CHRNA5: variants seen among roughly 807,000 people sequenced by gnomAD.
CHRNA5 encodes the protein neuronal acetylcholine receptor subunit alpha-5.
In CHRNA5, 28 loss-of-function variants were observed where a neutral mutation model predicts 41.2. The observed-to-expected ratio is 0.68, with a 90% CI of 0.50 to 0.93. The LOEUF (loss-of-function observed/expected upper bound fraction) is 0.93. Ranked by LOEUF, CHRNA5 falls within the 40% of genes least tolerant of loss-of-function variation. The probability of loss-of-function intolerance (pLI) is 0.00; values close to 1 mark genes in which losing one functional copy is unlikely to be tolerated. For missense variants in CHRNA5, 481 were observed against 581.9 expected (o/e 0.83, Z 1.78); for synonymous variants, 188 against 205.8 (o/e 0.91, Z 0.74).
intron 1 of CHRNA5, among the ~76,000 whole-genome samples, chr15:78,573,979 T>TA (rs1287344437): frequency 6.2e-5 from 9 of 145,206 alleles, no homozygotes; most frequent in African/African-American, 2.3e-4. Context: ...TTTTTTTTTT[T>TA]TTTTTTTGTA....
At chr15:78,589,159 T>G (rs1442355841) in intron 4 of CHRNA5, 1 of 152,190 alleles carries the variant, frequency 6.6e-6, no homozygotes, top group Admixed American at 6.5e-5. Flanking sequence ...TTTCAGTAAT[T>G]GAAAACATTT....
rs551802186 is a variant in CHRNA5 at position 78,566,395 on chromosome 15, G to T, written c.106+570G>T. ...CGTTTGCATCCAGAGTTCCTCACTA[G>T]CTCCTTAGAGCACAGCTTTTTTCAG... On this transcript the variant is annotated intron_variant, in intron 1 of 5. Coordinates refer to ENST00000299565, the Ensembl canonical transcript of CHRNA5. Among the ~76,000 whole-genome samples the T allele has an allele frequency of 3.3e-5, 5 of 152,298 alleles. No homozygotes were observed. In the South Asian group the frequency reaches 1.0e-3, roughly 32 times the overall value.
At chr15:78,572,366 G>A (rs1295227191) in intron 1 of CHRNA5, among the ~76,000 whole-genome samples, 1 of 152,204 alleles carries the variant, frequency 6.6e-6, no homozygotes, top group East Asian at 1.9e-4. Flanking sequence ...CCAATCAGTG[G>A]TGAAAACTTA....
intron 1 of CHRNA5, among the ~76,000 whole-genome samples, chr15:78,575,098 C>G (rs563240060): frequency 6.6e-6 from 1 of 152,170 alleles, no homozygotes; most frequent in South Asian, 2.1e-4. Flanking sequence ...TTCCTTTTCA[C>G]CATACTAAAA....
At chr15:78,581,756 TTG>T (rs2052914670) in intron 2 of CHRNA5, among the ~76,000 whole-genome samples, 1 of 152,174 alleles carries the variant, frequency 6.6e-6, no homozygotes, top group African/African-American at 2.4e-5. Flanking sequence ...TAATAATTAG[TTG>T]TGTTTCTTGC....
At chr15:78,582,965 T>C (rs945694908) in intron 2 of CHRNA5, among the ~76,000 whole-genome samples, 2 of 152,236 alleles carry the variant, frequency 1.3e-5, no homozygotes, top group Admixed American at 1.3e-4. Context: ...AAGGCCAAAT[T>C]CATCTGTCAG....
intron 1 of CHRNA5, among the ~76,000 whole-genome samples, chr15:78,575,454 TTA>T (rs1227146251): frequency 6.6e-6 from 1 of 152,192 alleles, no homozygotes; most frequent in Non-Finnish European, 1.5e-5. Context: ...GATATGTGGT[TTA>T]TATGCTATTA....
chr15:78,586,552 A>G (rs924918084), intron 2 of CHRNA5, 93 bp from the exon 3 acceptor site: 6 of 744,614 alleles, frequency 8.1e-6, no homozygotes, highest in Non-Finnish European at 1.4e-5. Context: ...TATGTGAAGA[A>G]GAGTGTTTAT....
chr15:78,580,874 A>G, exon 2 of CHRNA5: 1 of 1,613,758 alleles, frequency 6.2e-7, no homozygotes, highest in Non-Finnish European at 8.5e-7. Context: ...TTATTTCAAG[A>G]CTACGAAAGA....
chr15:78,574,839 G>A (rs2052842713), intron 1 of CHRNA5, among the ~76,000 whole-genome samples: 4 of 152,020 alleles, frequency 2.6e-5, no homozygotes, highest in Admixed American at 2.6e-4. Flanking sequence ...TGGGCATGGT[G>A]GCGAGTGCCT....
Position 78,583,277 on chromosome 15 carries a change from C to T in CHRNA5, c.258+2315C>T, listed in dbSNP as rs537453371. 3.3e-5 allele frequency among the ~76,000 whole-genome samples: 5 copies of T among 152,132 alleles called. No individual in the cohort carries two copies. In the South Asian group the frequency reaches 1.0e-3, roughly 32 times the overall value. ...ATGGTTTTGAGGAGTGAAAGAGAGA[C>T]TAGAAAATGAAAGGCAAGTTAGAAG... On this transcript the variant is annotated intron_variant, in intron 2 of 5. Transcript: ENST00000299565.
chr15:78,568,169 G>C (rs2052766890), intron 1 of CHRNA5, among the ~76,000 whole-genome samples: 1 of 152,184 alleles, frequency 6.6e-6, no homozygotes, highest in Non-Finnish European at 1.5e-5. Flanking sequence ...CTGTGAGCCA[G>C]TTCCCAGGTA....
chr15:78,590,401 TTCA>T (rs748922437), exon 5 of CHRNA5: 3 of 1,614,224 alleles, frequency 1.9e-6, no homozygotes, highest in East Asian at 2.2e-5. Flanking sequence ...GCTATCAACA[TTCA>T]TCATCGTTCT....
chr15:78,588,342 A>T lies in CHRNA5; in HGVS notation c.332A>T (p.Asn111Ile). ...TGGATAGATGTAAAATTAAGATGGA[A>T]CCCTGATGACTATGGTGGAATAAAA... Residue 111 changes from asparagine to isoleucine, a missense_variant, in exon 4 of 6, where the codon AAC (asparagine) becomes ATC (isoleucine). Asn to Ile is a moderately radical substitution (Grantham distance 149, BLOSUM62 -3). Transcript: ENST00000299565. The surrounding 1 kb of genome is among the most constrained non-coding windows in gnomAD (Gnocchi z 4.1). 6.3e-7 allele frequency: 1 copy of T among 1,588,460 alleles called. No homozygotes were observed.
intron 2 of CHRNA5, among the ~76,000 whole-genome samples, chr15:78,582,410 G>A (rs2052920824): frequency 1.3e-5 from 2 of 151,934 alleles, no homozygotes; most frequent in Non-Finnish European, 1.5e-5. Context: ...TTTGAACCCT[G>A]GGAAGCAGAG....
intron 3 of CHRNA5, among the ~76,000 whole-genome samples, chr15:78,587,115 G>A (rs2052967734): frequency 6.6e-6 from 1 of 152,184 alleles, no homozygotes; most frequent in African/African-American, 2.4e-5. Context: ...TTACATGGCA[G>A]CAGGCAAGAG....
At chr15:78,594,923 A>T (rs2053075527) in exon 6 of CHRNA5, 1 of 152,192 alleles carries the variant, frequency 6.6e-6, no homozygotes, top group Non-Finnish European at 1.5e-5. Flanking sequence ...AAAACAGTTA[A>T]ATTCCATCTC....
exon 2 of CHRNA5, chr15:78,580,847 A>G: frequency 6.2e-7 from 1 of 1,613,422 alleles, no homozygotes; most frequent in South Asian, 1.1e-5. Context: ...AAACATGAAG[A>G]TAGTTTGCTT....
intron 1 of CHRNA5, among the ~76,000 whole-genome samples, chr15:78,569,635 A>G (rs1311099760): frequency 6.6e-6 from 1 of 151,252 alleles, no homozygotes; most frequent in Non-Finnish European, 1.5e-5. Flanking sequence ...GGGTTTCACC[A>G]TGTTAGCCAG....
Sources: gnomAD v4.1 joint callset for allele counts (sites outside exome capture counted in the v4.1 genomes callset) on GRCh38, gnomAD v4.1.1 for gene constraint, Gnocchi (gnomAD v3.1) non-coding constraint, MANE v1.5 for transcripts, NCBI Gene and HGNC (gene_info 2026-07-23, HGNC 2026-07-21) for gene names.